Variants in DYNC2H1 observed in about 807,000 individuals in gnomAD.
The protein encoded by DYNC2H1 is cytoplasmic dynein 2 heavy chain 1.
DYNC2H1 carries 410 observed loss-of-function variants against 570.0 expected under a neutral mutation model. The ratio of observed to expected loss-of-function variants is 0.72; its 90% CI spans 0.66 to 0.78. The LOEUF is 0.78. DYNC2H1 is among the 30% of genes least tolerant of loss of function. The probability of loss-of-function intolerance (pLI) is 0.00; values close to 1 mark genes in which losing one functional copy is unlikely to be tolerated. For synonymous variants in DYNC2H1, 1,688 were observed against 1,677.6 expected, an observed-to-expected ratio of 1.01 and a Z score of -0.15; for missense variants, 4,865 against 5,046.4, an observed-to-expected ratio of 0.96 and a Z score of 1.09.
chr11:103,279,301 A>C (rs1027427714), intron 70 of DYNC2H1, among the ~76,000 whole-genome samples: 13 of 152,182 alleles, frequency 8.5e-5, no homozygotes, highest in South Asian at 4.1e-4. Flanking sequence ...TGTTCTTAAA[A>C]ATTGAACCAG....
intron 30 of DYNC2H1, among the ~76,000 whole-genome samples, chr11:103,165,416 A>T (rs568096071): frequency 6.6e-6 from 1 of 152,312 alleles, no homozygotes; most frequent in East Asian, 1.9e-4. Context: ...GGCGTGAGCC[A>T]CCGCACCCGG....
At position 103,471,186 on chromosome 11, in the gene DYNC2H1, G is replaced by C. The variant is rs969028278; in HGVS notation, c.12765+2481G>C. Among the ~76,000 whole-genome samples the C allele has an allele frequency of 2.0e-5, 3 of 152,162 alleles. No homozygotes were observed. The East Asian group carries it at 5.8e-4, about 29-fold the overall frequency. ...GGCCAGTGATGATATTTTTCTGTAA[G>C]ATTTTCTCCTGGGCTTTTACACTTG... On this transcript the variant is annotated intron_variant, in intron 88 of 88. Transcript: ENST00000375735.
intron 76 of DYNC2H1, among the ~76,000 whole-genome samples, chr11:103,304,289 A>G (rs1286280128): frequency 6.7e-6 from 1 of 148,826 alleles, no homozygotes; most frequent in Non-Finnish European, 1.5e-5. Context: ...CTAGTCAATC[A>G]TAGTTAGAGT....
Position 103,153,432 on chromosome 11 carries a change from C to A in DYNC2H1, c.3226C>A (p.Leu1076Ile). 1 of 1,566,444 alleles carries A rather than the reference C, an allele frequency of 6.4e-7. No homozygotes were observed. Among genetic ancestry groups the A allele is most frequent in the South Asian group, 1.2e-5 (1 of 83,272 alleles). The change falls in exon 22 of 89, where the codon CTT (leucine) becomes ATT (isoleucine). Residue 1076 changes from leucine (L) to isoleucine (I), a missense_variant. Physicochemically the swap from Leu to Ile is conservative, Grantham distance 5. Transcript: ENST00000375735. ...DVIETGQHNT[L>I]DKSAKLIKEK... ...TATTGAAACTGGCCAACATAATACT[C>A]TTGATAAAAGTGCAAAGTTAATAAA... is the stretch of plus-strand genomic sequence containing the variant.
chr11:103,384,163 G>C (rs1379748130), intron 83 of DYNC2H1, among the ~76,000 whole-genome samples: 4 of 152,072 alleles, frequency 2.6e-5, no homozygotes, highest in Non-Finnish European at 5.9e-5. Flanking sequence ...TTAATTCAAA[G>C]CTTATACTAC....
chr11:103,138,469 A>G (rs1475922731), intron 17 of DYNC2H1, among the ~76,000 whole-genome samples: 1 of 152,204 alleles, frequency 6.6e-6, no homozygotes, highest in Non-Finnish European at 1.5e-5. Context: ...TATTGAGATA[A>G]TCATGTGGTT....
chr11:103,311,445 T>C (rs1867582962), intron 78 of DYNC2H1, among the ~76,000 whole-genome samples: 1 of 152,192 alleles, frequency 6.6e-6, no homozygotes, highest in Non-Finnish European at 1.5e-5. Flanking sequence ...TTAGTTGACA[T>C]TCTATGTAAA....
At chr11:103,425,699 G>T (rs35686355) in intron 84 of DYNC2H1, among the ~76,000 whole-genome samples, 2 of 151,564 alleles carry the variant, frequency 1.3e-5, no homozygotes, top group African/African-American at 2.4e-5. Context: ...ATTTAACAAC[G>T]AATTTAAATA....
In DYNC2H1 at chr11:103,393,718, T is replaced by A. The variant is rs1942270877; in HGVS notation, c.12157-5945T>A. ...TGTATTAGTCCATTTCACGCACTGA[T>A]AATGACACACCGGGACTGGGCAATT... On this transcript the variant is annotated intron_variant, in intron 83 of 88. Coordinates refer to ENST00000375735, the MANE Select transcript of DYNC2H1 (RefSeq NM_001377.3). Among the ~76,000 whole-genome samples the A allele has an allele frequency of 2.6e-5, 4 of 152,180 alleles. No homozygotes were observed. In the South Asian group the frequency reaches 8.3e-4, roughly 32 times the overall value.
intron 17 of DYNC2H1, among the ~76,000 whole-genome samples, chr11:103,140,530 A>T (rs933382897): frequency 3.3e-5 from 5 of 152,188 alleles, no homozygotes; most frequent in Admixed American, 2.0e-4. Flanking sequence ...AGAATGTTGA[A>T]TATTGGCCCC....
rs767966276 is a variant in DYNC2H1 at position 103,245,362 on chromosome 11, C to T, written c.10030C>T (p.Leu3344=). ...TCTTTATCCATTATTGAGACGAGATCTGGTTGCTCAAGGTAAATAATTGAC... is the reference window on the plus strand; with the variant it reads ...TCTTTATCCATTATTGAGACGAGATTTGGTTGCTCAAGGTAAATAATTGAC... ...PVLYPLLRRD[L]VAQGPRYVVQ... The change falls in exon 65 of 89, where the codon CTG becomes TTG. Residue 3344 remains leucine, a synonymous_variant. Transcript: ENST00000375735. This position sits in a 1 kb window ranked among gnomAD's most constrained non-coding sequence, Gnocchi z 4.5. 6.3e-7 allele frequency: 1 copy of T among 1,585,538 alleles called. No homozygotes were observed. The highest frequency in any genetic ancestry group is 1.2e-5 in the South Asian group (1 of 85,726).
At chr11:103,360,988 A>G (rs1940607971) in intron 83 of DYNC2H1, among the ~76,000 whole-genome samples, 3 of 152,274 alleles carry the variant, frequency 2.0e-5, no homozygotes, top group South Asian at 2.1e-4. Context: ...GGGGAAGACT[A>G]TTTCAAGCCA....
intron 17 of DYNC2H1, 61 bp from the exon 18 acceptor site, chr11:103,143,207 A>C: frequency 1.3e-6 from 2 of 1,548,158 alleles, no homozygotes; most frequent in Non-Finnish European, 1.8e-6. Context: ...ATCCTATTCT[A>C]TTATATGTTA....
Position 103,177,588 on chromosome 11 carries a change from A to G in DYNC2H1, c.5907A>G (p.Leu1969=), listed in dbSNP as rs779635750. The G allele has an allele frequency of 1.2e-6, 2 of 1,612,876 alleles. No homozygotes were observed. The highest frequency in any genetic ancestry group is 1.1e-5 in the South Asian group (1 of 90,864). The change falls in exon 38 of 89, where the codon TTA becomes TTG. Residue 1969 remains leucine (L), a synonymous_variant. Transcript: ENST00000375735. This position sits in a 1 kb window ranked among gnomAD's most constrained non-coding sequence, Gnocchi z 4.4. ...AGGCTTTAGAATTGTATGAACAGTT[A>G]TGCCAGAGGATGGGAGTTGTTATTG... ...IKKALELYEQ[L]CQRMGVVIVG...
At chr11:103,429,115 G>A (rs1382481364) in intron 84 of DYNC2H1, among the ~76,000 whole-genome samples, 3 of 151,946 alleles carry the variant, frequency 2.0e-5, no homozygotes, top group Non-Finnish European at 4.4e-5. Flanking sequence ...ACAAAATTTA[G>A]CCAGGTATGG....
rs72076859 is a variant in DYNC2H1, at chr11:103,424,705, C to CAAAAAAA, written c.12367-11229_12367-11223dup. Reference sequence around the variant, plus strand: ...GGCAAATGTTTAAAAACTGGCTCTCCAAAAAAAAAAAAAAAGAGGAGGCAA... The same window carrying CAAAAAAA: ...GGCAAATGTTTAAAAACTGGCTCTCCAAAAAAAAAAAAAAAAAAAAAAGAGGAGGCAA... On this transcript the variant is annotated intron_variant, in intron 84 of 88. Transcript: ENST00000375735. Among the ~76,000 whole-genome samples, 2 of 131,038 alleles carry CAAAAAAA rather than the reference C, an allele frequency of 1.5e-5. 1 individual carries two copies. Among genetic ancestry groups the CAAAAAAA allele is most frequent in the African/African-American group, 5.6e-5 (2 of 36,036 alleles). The allele number at this position is 131,038 out of a possible 152,430, so 86.0% of individuals were successfully genotyped here.
chr11:103,192,134 T>G lies in DYNC2H1; in HGVS notation c.7578T>G (p.Ile2526Met). 1 of 1,550,088 alleles carries G rather than the reference T, an allele frequency of 6.5e-7. No homozygotes were observed. Among genetic ancestry groups the G allele is most frequent in the South Asian group, 1.2e-5 (1 of 81,984 alleles). ...SNHPLDYVLE[I>M]VAYEARRLFR... ...ATCCACTAGATTATGTGTTAGAAAT[T>G]GTAGCATATGAGGCACGGCGCTTAT... Residue 2526 changes from isoleucine to methionine, a missense_variant, in exon 47 of 89, where the codon ATT becomes ATG. By Grantham distance (10) the Ile-to-Met change is conservative. Coordinates refer to ENST00000375735, the MANE Select transcript of DYNC2H1 (RefSeq NM_001377.3).
rs1004455877 is a variant in DYNC2H1 at position 103,392,439 on chromosome 11, G to T, written c.12157-7224G>T. On this transcript the variant is annotated intron_variant, in intron 83 of 88. Transcript: ENST00000375735. ...AGGAAAGGGAATTCCCTGACCCCTT[G>T]CGCTTACTGGGTGAGGTGATGCCTC... is the stretch of plus-strand genomic sequence containing the variant. Among the ~76,000 whole-genome samples, 3 of 152,234 alleles carry T rather than the reference G, an allele frequency of 2.0e-5. No homozygotes were observed. In the East Asian group the frequency reaches 5.8e-4, roughly 29 times the overall value.
rs1864563289 is a variant in DYNC2H1, at chr11:103,245,113, G to A, written c.9919-138G>A. On this transcript the variant is annotated intron_variant, in intron 64 of 88. Coordinates refer to ENST00000375735, the MANE Select transcript of DYNC2H1 (RefSeq NM_001377.3). The surrounding 1 kb of genome is among the most constrained non-coding windows in gnomAD (Gnocchi z 4.5). ...GAGTAGGGTTCTTATTAATACTTGG[G>A]TGAGTAATTTATTACCTATAGAATC... 1 of 672,754 alleles carries A rather than the reference G, an allele frequency of 1.5e-6. No individual in the cohort carries two copies. Among genetic ancestry groups the A allele is most frequent in the Non-Finnish European group, 2.3e-6 (1 of 435,982 alleles). 41.7% of individuals were successfully genotyped at this position (672,754 alleles called of 1,614,324 possible).
Sources: gnomAD v4.1 joint callset for allele counts (sites outside exome capture counted in the v4.1 genomes callset) on GRCh38, gnomAD v4.1.1 for gene constraint, Gnocchi (gnomAD v3.1) non-coding constraint, MANE v1.5 for transcripts, NCBI Gene and HGNC (gene_info 2026-07-23, HGNC 2026-07-21) for gene names.